The following TBC1D16 variants were observed in gnomAD, a reference collection of about 807,000 sequenced individuals.
TBC1D16 encodes TBC1 domain family member 16, also known as CTD-2529O21.1.
Under a neutral mutation model 74.7 loss-of-function variants are expected in TBC1D16, and 58 were observed. That is an observed-to-expected ratio of 0.78 (90% CI 0.63 to 0.97). The LOEUF (loss-of-function observed/expected upper bound fraction) is 0.97. Among genes scored for constraint, TBC1D16 ranks in the 50% least tolerant of loss-of-function variants. The pLI, the probability that TBC1D16 is intolerant of heterozygous loss-of-function variation, is 0.00. For synonymous variants in TBC1D16, 493 were observed against 474.7 expected (o/e 1.04, Z -0.50); for missense variants, 1,014 against 1,079.5 (o/e 0.94, Z 0.85).
At position 79,986,389 on chromosome 17, in the gene TBC1D16, T is replaced by C. The variant is rs190428333; in HGVS notation, c.779+23771A>G. On this transcript the variant is annotated intron_variant, in intron 3 of 11. Transcript: ENST00000310924. This position sits in a 1 kb window ranked among gnomAD's most constrained non-coding sequence, Gnocchi z 6.0. ...TCTGGGCAGACGCAAATGTGCAGCG[T>C]TTCAAAGCAAAGCTCAAGAGTGGAT... 6.6e-6 allele frequency among the ~76,000 whole-genome samples: 1 copy of C among 152,266 alleles called. No homozygotes were observed. The highest frequency in any genetic ancestry group is 1.9e-4 in the East Asian group (1 of 5,190).
At chr17:79,946,964 G>A (rs1381891911) in intron 9 of TBC1D16, among the ~76,000 whole-genome samples, 8 of 152,234 alleles carry the variant, frequency 5.3e-5, no homozygotes, top group East Asian at 1.9e-4. Flanking sequence ...GACTGCACCC[G>A]GCAGGCACTT....
intron 3 of TBC1D16, among the ~76,000 whole-genome samples, chr17:79,966,250 T>A (rs1250693117): frequency 6.6e-6 from 1 of 152,184 alleles, no homozygotes; most frequent in Non-Finnish European, 1.5e-5. Flanking sequence ...CACCACTCAC[T>A]GGATTAGAGA....
At chr17:79,946,838 G>A (rs543218215) in intron 9 of TBC1D16, among the ~76,000 whole-genome samples, 2 of 152,302 alleles carry the variant, frequency 1.3e-5, no homozygotes, top group East Asian at 1.9e-4. Context: ...AGCTGTCCCC[G>A]GTGCAGGAGC....
chr17:79,943,974 G>A (rs906864223), intron 10 of TBC1D16: 48 of 1,519,306 alleles, frequency 3.2e-5, no homozygotes, highest in Middle Eastern at 1.7e-4. Flanking sequence ...CACCCTGCAC[G>A]TCCACGTCCA....
At chr17:79,949,990 C>T (rs1324882818) in intron 6 of TBC1D16, 125 bp from the exon 7 acceptor site, 1 of 1,230,398 alleles carries the variant, frequency 8.1e-7, no homozygotes, top group Non-Finnish European at 1.1e-6. Context: ...GCAATTTGCA[C>T]ATATTTACAA....
At chr17:79,995,784 CAAAAACAAAA>C (rs1265273753) in intron 3 of TBC1D16, among the ~76,000 whole-genome samples, 2 of 149,490 alleles carry the variant, frequency 1.3e-5, no homozygotes, top group Admixed American at 1.3e-4. Context: ...AACTCTGTCT[CAAAAACAAAA>C]AAAAAGAAAA....
Position 79,950,980 on chromosome 17 carries a change from G to T in TBC1D16, c.1090-402C>A. On this transcript the variant is annotated intron_variant, in intron 5 of 11. Transcript: ENST00000310924. This position sits in a 1 kb window ranked among gnomAD's most constrained non-coding sequence, Gnocchi z 4.6. ...CCAGCCTGTCAGATTGCCTCCGCGAGCAGTCACGAATCCAGGGCAAAACTG... is the reference window on the plus strand; with the variant it reads ...CCAGCCTGTCAGATTGCCTCCGCGATCAGTCACGAATCCAGGGCAAAACTG... 1.3e-6 allele frequency: 1 copy of T among 797,944 alleles called. No individual in the cohort carries two copies. The highest frequency in any genetic ancestry group is 1.9e-6 in the Non-Finnish European group (1 of 528,004). The allele number at this position is 797,944 out of a possible 1,614,324, so 49.4% of individuals were successfully genotyped here.
In TBC1D16 at chr17:79,951,498, G is replaced by A. The variant is rs765484138; in HGVS notation, c.1041C>T (p.Asp347=). ...TGCAGTATTTCCACTGCTGGAACAC[G>A]TCAGACAGCTTGTCCAGGCCGCCGT... ...FHHGGLDKLS[D]VFQQWKYCTE... The change falls in exon 5 of 12, where the codon GAC becomes GAT. Residue 347 remains aspartate, a synonymous_variant. Transcript: ENST00000310924. 5.6e-6 allele frequency: 9 copies of A among 1,614,098 alleles called. No individual in the cohort carries two copies. Among genetic ancestry groups the A allele is most frequent in the South Asian group, 3.3e-5 (3 of 91,068 alleles).
chr17:80,021,357 G>A (rs1031890195), intron 1 of TBC1D16, among the ~76,000 whole-genome samples: 11 of 149,508 alleles, frequency 7.4e-5, no homozygotes, highest in Non-Finnish European at 1.5e-4. Context: ...CCAGCTACTC[G>A]GGAGGCTAAG....
intron 1 of TBC1D16, among the ~76,000 whole-genome samples, chr17:80,024,549 ACACACACCACACACGACACAC>A: frequency 7.1e-6 from 1 of 140,346 alleles, no homozygotes; most frequent in Middle Eastern, 4.0e-3. Context: ...CACCATATAC[ACACACACCACACACGACACAC>A]CATAGGCACA....
In TBC1D16 at chr17:79,981,576, G is replaced by C. The variant is rs1271736046; in HGVS notation, c.779+28584C>G. On this transcript the variant is annotated intron_variant, in intron 3 of 11. Coordinates refer to ENST00000310924, the MANE Select transcript of TBC1D16 (RefSeq NM_019020.4). The surrounding 1 kb of genome is among the most constrained non-coding windows in gnomAD (Gnocchi z 6.9). ...CATATTCAAGATCGTCGGTGATAAAGAAATGCGCATGAACATGATTTTTAA... is the reference window on the plus strand; with the variant it reads ...CATATTCAAGATCGTCGGTGATAAACAAATGCGCATGAACATGATTTTTAA... Among the ~76,000 whole-genome samples the C allele has an allele frequency of 3.9e-5, 6 of 152,336 alleles. No individual in the cohort carries two copies. The highest frequency in any genetic ancestry group is 1.2e-4 in the African/African-American group (5 of 41,580).
rs2143375669 is a variant in TBC1D16 at position 79,941,198 on chromosome 17, G to A, written c.2056-91C>T. ...GGAGTGGCCAAAGACAGCAACAGCA[G>A]CAACAACGGCCTGCACCTCGGGGGC... On this transcript the variant is annotated intron_variant, in intron 11 of 11. Coordinates refer to ENST00000310924, the MANE Select transcript of TBC1D16 (RefSeq NM_019020.4). This position sits in a 1 kb window ranked among gnomAD's most constrained non-coding sequence, Gnocchi z 4.3. 2 of 1,306,780 alleles carry A rather than the reference G, an allele frequency of 1.5e-6. No individual in the cohort carries two copies. The highest frequency in any genetic ancestry group is 2.1e-6 in the Non-Finnish European group (2 of 959,140). The allele number at this position is 1,306,780 out of a possible 1,614,324, so 80.9% of individuals were successfully genotyped here.
rs529427380 is a variant in TBC1D16 at position 80,009,376 on chromosome 17, G to A, written c.779+784C>T. Among the ~76,000 whole-genome samples the A allele has an allele frequency of 1.5e-4, 23 of 152,294 alleles. No homozygotes were observed. The highest frequency in any genetic ancestry group is 9.8e-4 in the Admixed American group (15 of 15,308). ...GGGCTCCGGGCTTATGCGACCACAC[G>A]GGCACTCACCCCAAGGCCATGAGGG... On this transcript the variant is annotated intron_variant, in intron 3 of 11. Coordinates refer to ENST00000310924, the MANE Select transcript of TBC1D16 (RefSeq NM_019020.4). The surrounding 1 kb of genome is among the most constrained non-coding windows in gnomAD (Gnocchi z 5.4).
At position 79,983,581 on chromosome 17, in the gene TBC1D16, C is replaced by A. The variant is rs993701703; in HGVS notation, c.779+26579G>T. ...ACGGCTACAAAGACGGGGACGCTTT[C>A]CTAGGGCTCAAAGCAAGGCAGAATG... is the stretch of plus-strand genomic sequence containing the variant. On this transcript the variant is annotated intron_variant, in intron 3 of 11. Coordinates refer to ENST00000310924, the MANE Select transcript of TBC1D16 (RefSeq NM_019020.4). This position sits in a 1 kb window ranked among gnomAD's most constrained non-coding sequence, Gnocchi z 5.6. Among the ~76,000 whole-genome samples the A allele has an allele frequency of 1.3e-5, 2 of 152,220 alleles. No homozygotes were observed. The highest frequency in any genetic ancestry group is 6.5e-5 in the Admixed American group (1 of 15,288).
chr17:80,025,222 A>G lies in TBC1D16; in HGVS notation c.-63+10573T>C, dbSNP rs1214568522. On this transcript the variant is annotated intron_variant, in intron 1 of 11. Transcript: ENST00000310924. ...GCACCCCATGACACACACCACACACAGCCACCCTCTGCTCTACCAGCTTTG... is the reference window on the plus strand; with the variant it reads ...GCACCCCATGACACACACCACACACGGCCACCCTCTGCTCTACCAGCTTTG... Among the ~76,000 whole-genome samples the G allele has an allele frequency of 1.3e-5, 2 of 149,854 alleles. 1 individual carries two copies. The highest frequency in any genetic ancestry group is 1.3e-4 in the Admixed American group (2 of 15,208).
rs767375667 is a variant in TBC1D16 at position 79,987,210 on chromosome 17, G to A, written c.779+22950C>T. ...TTCCAGAGCGTCTCGGTCTGGGTGG[G>A]AGCGGGGAATAAGCATTTCTTTAAG... On this transcript the variant is annotated intron_variant, in intron 3 of 11. Transcript: ENST00000310924. The surrounding 1 kb of genome is among the most constrained non-coding windows in gnomAD (Gnocchi z 5.2). Among the ~76,000 whole-genome samples, 5 of 151,968 alleles carry A rather than the reference G, an allele frequency of 3.3e-5. No individual in the cohort carries two copies. The highest frequency in any genetic ancestry group is 7.4e-5 in the Non-Finnish European group (5 of 67,992).
chr17:79,973,147 A>G (rs976993532), intron 3 of TBC1D16, among the ~76,000 whole-genome samples: 2 of 152,246 alleles, frequency 1.3e-5, no homozygotes, highest in Non-Finnish European at 2.9e-5. Context: ...ATACAACCCA[A>G]TACCCCCGTT....
Position 79,971,593 on chromosome 17 carries a change from G to A in TBC1D16, c.780-18775C>T, listed in dbSNP as rs1012636297. ...CACCATTTTGGAATAATGGCTCAGG[G>A]GCAATTAGAAAAGAAGAGTCTTTAA... is the stretch of plus-strand genomic sequence containing the variant. On this transcript the variant is annotated intron_variant, in intron 3 of 11. Transcript: ENST00000310924. This position sits in a 1 kb window ranked among gnomAD's most constrained non-coding sequence, Gnocchi z 4.6. Among the ~76,000 whole-genome samples, 6 of 152,070 alleles carry A rather than the reference G, an allele frequency of 3.9e-5. No homozygotes were observed. The highest frequency in any genetic ancestry group is 7.4e-5 in the Non-Finnish European group (5 of 68,022).
chr17:80,003,097 T>C (rs945547538), intron 3 of TBC1D16, among the ~76,000 whole-genome samples: 1 of 152,078 alleles, frequency 6.6e-6, no homozygotes, highest in Non-Finnish European at 1.5e-5. Context: ...GTGCCCAGTG[T>C]GTGTGCAGGA....
Sources: allele counts gnomAD v4.1 joint callset (sites outside exome capture counted in the v4.1 genomes callset), GRCh38; gene constraint gnomAD v4.1.1; non-coding constraint Gnocchi (gnomAD v3.1); transcripts MANE v1.5; gene names NCBI Gene and HGNC (gene_info 2026-07-23, HGNC 2026-07-21).